Variants in PACRG observed in about 807,000 individuals in gnomAD.
PACRG encodes the protein parkin coregulated, also known as parkin coregulated gene protein.
Under a neutral mutation model 29.7 loss-of-function variants are expected in PACRG, and 29 were observed. That is an observed-to-expected ratio of 0.98 (90% CI 0.73 to 1.33). The LOEUF (loss-of-function observed/expected upper bound fraction) is 1.33. Among genes scored for constraint, PACRG ranks in the 40% most tolerant of loss-of-function variants. The pLI, the probability that PACRG is intolerant of heterozygous loss-of-function variation, is 0.00. For missense variants in PACRG, 279 were observed against 316.2 expected, an observed-to-expected ratio of 0.88 and a Z score of 0.89; for synonymous variants, 116 against 118.7, an observed-to-expected ratio of 0.98 and a Z score of 0.15.
intron 2 of PACRG, among the ~76,000 whole-genome samples, chr6:162,989,839 T>C (rs1224336152): frequency 2.0e-4 from 30 of 147,428 alleles, no homozygotes; most frequent in Admixed American, 5.4e-4. Flanking sequence ...CTGCACCCAC[T>C]AACTCGTCAT....
At chr6:163,286,182 T>C (rs1336305420) in intron 4 of PACRG, among the ~76,000 whole-genome samples, 1 of 152,212 alleles carries the variant, frequency 6.6e-6, no homozygotes, top group East Asian at 1.9e-4. Context: ...CAGTGGTTTA[T>C]AAAATCTTCC....
At chr6:162,939,157 G>A (rs1798441462) in intron 2 of PACRG, among the ~76,000 whole-genome samples, 1 of 152,134 alleles carries the variant, frequency 6.6e-6, no homozygotes, top group African/African-American at 2.4e-5. Context: ...AGCATAAAGT[G>A]GGGAAAGGAC....
intron 4 of PACRG, among the ~76,000 whole-genome samples, chr6:163,254,666 G>T (rs1165716651): frequency 6.6e-6 from 1 of 152,194 alleles, no homozygotes; most frequent in African/African-American, 2.4e-5. Flanking sequence ...TTGATCAAGG[G>T]AAGATAACAG....
At chr6:162,916,458 A>G (rs1796701369) in intron 2 of PACRG, among the ~76,000 whole-genome samples, 1 of 152,092 alleles carries the variant, frequency 6.6e-6, no homozygotes, top group South Asian at 2.1e-4. Flanking sequence ...TATTTCTTCA[A>G]ATATATTTTC....
At position 163,192,246 on chromosome 6, in the gene PACRG, C is replaced by T. The variant is rs117387175; in HGVS notation, c.613+102838C>T. ...GAATACCAACATTCTTGCAAAGGAA[C>T]CTTAAAGTATTATTTTTGCAAAGAA... On this transcript the variant is annotated intron_variant, in intron 4 of 4. Transcript: ENST00000366888. Among the ~76,000 whole-genome samples the T allele has an allele frequency of 8.6e-3, 1,309 of 152,256 alleles. 9 individuals are homozygous for T. The highest frequency in any genetic ancestry group is 0.013 in the Non-Finnish European group (902 of 68,024).
chr6:163,172,658 G>C (rs1457584312), intron 4 of PACRG, among the ~76,000 whole-genome samples: 2 of 152,292 alleles, frequency 1.3e-5, no homozygotes, highest in East Asian at 3.9e-4. Context: ...CACATCTGGG[G>C]GCCAGGGAGC....
At chr6:163,085,162 A>C (rs1021770411) in intron 3 of PACRG, among the ~76,000 whole-genome samples, 1 of 152,112 alleles carries the variant, frequency 6.6e-6, no homozygotes, top group African/African-American at 2.4e-5. Flanking sequence ...ACACAAAAAC[A>C]AAACCTATGA....
At chr6:162,736,441 T>G (rs559232820) in intron 1 of PACRG, among the ~76,000 whole-genome samples, 1 of 152,316 alleles carries the variant, frequency 6.6e-6, no homozygotes, top group South Asian at 2.1e-4. Flanking sequence ...GGGAGCAAGA[T>G]AGCTGCGTTT....
At chr6:163,204,982 GAAT>G (rs1780845227) in intron 4 of PACRG, among the ~76,000 whole-genome samples, 1 of 152,164 alleles carries the variant, frequency 6.6e-6, no homozygotes, top group African/African-American at 2.4e-5. Flanking sequence ...GTCACAGAAA[GAAT>G]AAATACCTAG....
At chr6:163,224,211 A>C (rs7764637) in intron 4 of PACRG, among the ~76,000 whole-genome samples, 27,045 of 151,486 alleles carry the variant, frequency 0.18, 2,738 homozygotes, top group African/African-American at 0.27. Context: ...TCTACTAAAA[A>C]TACAAAAATT....
intron 2 of PACRG, among the ~76,000 whole-genome samples, chr6:162,837,088 T>C (rs1440835186): frequency 2.0e-5 from 3 of 151,966 alleles, no homozygotes; most frequent in African/African-American, 7.3e-5. Flanking sequence ...ATGTAATAAG[T>C]AGGGAATAAT....
At chr6:162,931,514 G>T (rs761957192) in intron 2 of PACRG, among the ~76,000 whole-genome samples, 5 of 151,872 alleles carry the variant, frequency 3.3e-5, no homozygotes, top group Non-Finnish European at 7.4e-5. Context: ...ATGAGATATG[G>T]ATCAATTTTT....
chr6:163,287,821 C>T (rs917180999), intron 4 of PACRG, among the ~76,000 whole-genome samples: 6 of 152,262 alleles, frequency 3.9e-5, no homozygotes, highest in African/African-American at 9.6e-5. Flanking sequence ...AACCTCAGAA[C>T]GGTGTGGCCC....
intron 2 of PACRG, among the ~76,000 whole-genome samples, chr6:162,986,116 G>T (rs1159524867): frequency 6.6e-6 from 1 of 151,938 alleles, no homozygotes; most frequent in Non-Finnish European, 1.5e-5. Flanking sequence ...TAGAATCAAT[G>T]TTGTGAAAAT....
chr6:163,141,440 A>ATG (rs1286974512), intron 4 of PACRG, among the ~76,000 whole-genome samples: 4 of 115,278 alleles, frequency 3.5e-5, no homozygotes, highest in African/African-American at 6.9e-5. Context: ...TTTGTAATGT[A>ATG]TGTGTTTTTT....
chr6:162,753,464 A>C (rs557184364), intron 1 of PACRG, among the ~76,000 whole-genome samples: 34 of 152,308 alleles, frequency 2.2e-4, no homozygotes, highest in African/African-American at 8.2e-4. Flanking sequence ...ATAGTATTAC[A>C]TTTAATTTAT....
At chr6:163,233,932 C>A (rs1240078379) in intron 4 of PACRG, among the ~76,000 whole-genome samples, 2 of 152,158 alleles carry the variant, frequency 1.3e-5, no homozygotes, top group Non-Finnish European at 2.9e-5. Context: ...TAGAAATATT[C>A]CCTAAATAAT....
intron 3 of PACRG, among the ~76,000 whole-genome samples, chr6:163,077,614 T>G (rs1262540394): frequency 1.3e-5 from 2 of 152,234 alleles, no homozygotes; most frequent in Non-Finnish European, 2.9e-5. Flanking sequence ...TTACTCATGA[T>G]CTAATAATTT....
intron 2 of PACRG, among the ~76,000 whole-genome samples, chr6:163,001,816 G>T (rs1025362859): frequency 4.6e-5 from 7 of 152,028 alleles, no homozygotes; most frequent in Non-Finnish European, 8.8e-5. Context: ...TTTATACAAG[G>T]TAATTAAATT....
Sources: gnomAD v4.1 joint callset for allele counts (sites outside exome capture counted in the v4.1 genomes callset) on GRCh38, gnomAD v4.1.1 for gene constraint, MANE v1.5 for transcripts, NCBI Gene and HGNC (gene_info 2026-07-23, HGNC 2026-07-21) for gene names.